HCN1: variants seen among roughly 807,000 people sequenced by gnomAD.
HCN1 encodes the protein hyperpolarization activated cyclic nucleotide gated potassium channel 1, also known as potassium/sodium hyperpolarization-activated cyclic nucleotide-gated channel 1.
A neutral mutation model predicts 78.9 loss-of-function variants in HCN1; 13 were observed. That is an observed-to-expected ratio of 0.16 (90% CI 0.11 to 0.26). The LOEUF is 0.26. HCN1 is among the 10% of genes least tolerant of loss of function. HCN1 has a pLI of 1.00. For missense variants in HCN1, 810 were observed against 1,154.3 expected (o/e 0.70, Z 4.32); for synonymous variants, 552 against 455.5 (o/e 1.21, Z -2.70).
chr5:45,629,109 G>A (rs1411331879), intron 2 of HCN1, among the ~76,000 whole-genome samples: 1 of 151,852 alleles, frequency 6.6e-6, no homozygotes, highest in Non-Finnish European at 1.5e-5. Flanking sequence ...ATTTTATAGG[G>A]ATAAAGGCAG....
chr5:45,659,305 C>T (rs1173564374), intron 1 of HCN1, among the ~76,000 whole-genome samples: 2 of 123,390 alleles, frequency 1.6e-5, no homozygotes, highest in Non-Finnish European at 3.3e-5. Flanking sequence ...CCCATCTGTA[C>T]ATCAACATCA....
At chr5:45,539,206 T>C (rs892870469) in intron 2 of HCN1, among the ~76,000 whole-genome samples, 3 of 152,160 alleles carry the variant, frequency 2.0e-5, no homozygotes, top group Non-Finnish European at 2.9e-5. Context: ...ATCATACAGC[T>C]TCTGCCACAC....
intron 2 of HCN1, among the ~76,000 whole-genome samples, chr5:45,564,557 A>G (rs562838377): frequency 8.5e-5 from 13 of 152,284 alleles, no homozygotes; most frequent in Non-Finnish European, 1.8e-4. Flanking sequence ...CACACAGAAA[A>G]GTCAATGTAT....
chr5:45,438,843 A>G (rs1412555410), intron 3 of HCN1, among the ~76,000 whole-genome samples: 1 of 152,158 alleles, frequency 6.6e-6, no homozygotes, highest in Non-Finnish European at 1.5e-5. Context: ...GAACAAGTAG[A>G]AAAAGGAATA....
intron 2 of HCN1, among the ~76,000 whole-genome samples, chr5:45,610,689 C>T (rs773907549): frequency 8.7e-5 from 13 of 150,004 alleles, no homozygotes; most frequent in Non-Finnish European, 1.6e-4. Flanking sequence ...TTTTGTATCC[C>T]ATAATTAGCT....
intron 2 of HCN1, among the ~76,000 whole-genome samples, chr5:45,489,806 T>C (rs540210320): frequency 1.3e-5 from 2 of 152,280 alleles, no homozygotes; most frequent in South Asian, 4.1e-4. Context: ...TACGAAGTAG[T>C]AGGCAATGTG....
At chr5:45,587,741 T>C (rs1222729642) in intron 2 of HCN1, among the ~76,000 whole-genome samples, 1 of 152,068 alleles carries the variant, frequency 6.6e-6, no homozygotes, top group Non-Finnish European at 1.5e-5. Flanking sequence ...TTAATTAAAA[T>C]TAAAGACCCA....
intron 3 of HCN1, among the ~76,000 whole-genome samples, chr5:45,452,887 G>A (rs754589524): frequency 4.6e-5 from 7 of 151,942 alleles, no homozygotes; most frequent in Admixed American, 6.6e-5. Context: ...CGAAATGTTC[G>A]TTTTAGGTTT....
chr5:45,497,008 C>T (rs561759541), intron 2 of HCN1, among the ~76,000 whole-genome samples: 119 of 152,102 alleles, frequency 7.8e-4, no homozygotes, highest in African/African-American at 2.5e-3. Context: ...TGTAGTTGAG[C>T]GGCTTTGAGT....
At chr5:45,531,027 GATGTAAA>G (rs1742833873) in intron 2 of HCN1, among the ~76,000 whole-genome samples, 1 of 151,032 alleles carries the variant, frequency 6.6e-6, no homozygotes, top group African/African-American at 2.4e-5. Context: ...GTAGTTTCTG[GATGTAAA>G]ATTAAAGAAA....
chr5:45,444,954 C>A (rs1291087128), intron 3 of HCN1, among the ~76,000 whole-genome samples: 2 of 152,132 alleles, frequency 1.3e-5, no homozygotes, highest in Admixed American at 6.5e-5. Context: ...CCAGCCTGAG[C>A]AATGCAGAAG....
intron 1 of HCN1, among the ~76,000 whole-genome samples, chr5:45,690,037 G>A (rs979220329): frequency 6.6e-5 from 10 of 151,962 alleles, no homozygotes; most frequent in Admixed American, 5.9e-4. Context: ...TCCATTCCCT[G>A]AACTTTAGCC....
chr5:45,601,316 C>T (rs924270483), intron 2 of HCN1, among the ~76,000 whole-genome samples: 3 of 152,090 alleles, frequency 2.0e-5, no homozygotes, highest in Non-Finnish European at 4.4e-5. Context: ...TGAATAGATT[C>T]TACTGAGGCT....
intron 6 of HCN1, among the ~76,000 whole-genome samples, chr5:45,284,874 C>T (rs570666015): frequency 6.6e-5 from 10 of 152,144 alleles, no homozygotes; most frequent in Non-Finnish European, 1.5e-4. Flanking sequence ...CTATGTGTTT[C>T]TTCCTCCTTC....
rs545749172 is a variant in HCN1, at chr5:45,297,455, C to T, written c.1618+6144G>A. Reference sequence around the variant, plus strand: ...TGGCCAGATTTTGGGGGGCTTGCTCCCAACATCAATTATTCTATGATCTTG... The same window carrying T: ...TGGCCAGATTTTGGGGGGCTTGCTCTCAACATCAATTATTCTATGATCTTG... On this transcript the variant is annotated intron_variant, in intron 6 of 7. Transcript: ENST00000303230. 2.5e-3 allele frequency among the ~76,000 whole-genome samples: 375 copies of T among 152,142 alleles called. 1 individual carries two copies. The highest frequency in any genetic ancestry group is 8.9e-3 in the African/African-American group (370 of 41,530).
intron 3 of HCN1, among the ~76,000 whole-genome samples, chr5:45,450,130 C>T (rs955417535): frequency 4.6e-5 from 7 of 152,146 alleles, no homozygotes; most frequent in African/African-American, 1.2e-4. Context: ...CGCGCCCAGC[C>T]GAACATAAGT....
rs1261010563 is a variant in HCN1, at chr5:45,504,773, C to A, written c.850-42766G>T. Among the ~76,000 whole-genome samples, 111 of 152,138 alleles carry A rather than the reference C, an allele frequency of 7.3e-4. 1 individual carries two copies. Among genetic ancestry groups the A allele is most frequent in the Non-Finnish European group, 1.0e-4 (7 of 68,038 alleles). On this transcript the variant is annotated intron_variant, in intron 2 of 7. Transcript: ENST00000303230. Reference sequence around the variant, plus strand: ...CTCTCCAGCACCTGTTGTTTCCTGACTTTTTAATGATTGTCATTCCAATTG... The same window carrying A: ...CTCTCCAGCACCTGTTGTTTCCTGAATTTTTAATGATTGTCATTCCAATTG...
intron 2 of HCN1, among the ~76,000 whole-genome samples, chr5:45,552,557 C>T (rs554797342): frequency 6.6e-6 from 1 of 151,894 alleles, no homozygotes. Context: ...ACAGGACAGA[C>T]TTCTATGGTA....
intron 3 of HCN1, among the ~76,000 whole-genome samples, chr5:45,438,380 C>G (rs1483946342): frequency 6.6e-6 from 1 of 151,988 alleles, no homozygotes; most frequent in Non-Finnish European, 1.5e-5. Flanking sequence ...ATCACCAGGT[C>G]AGGAGATCGA....
Sources: allele counts gnomAD v4.1 joint callset (sites outside exome capture counted in the v4.1 genomes callset), GRCh38; gene constraint gnomAD v4.1.1; transcripts MANE v1.5; gene names NCBI Gene and HGNC (gene_info 2026-07-23, HGNC 2026-07-21).